FBXO24: variants seen among roughly 807,000 people sequenced by gnomAD.
The protein encoded by FBXO24 is F-box protein 24.
Under a neutral mutation model 63.5 loss-of-function variants are expected in FBXO24, and 30 were observed. The observed-to-expected ratio is 0.47, with a 90% CI of 0.35 to 0.64. The LOEUF is 0.64. FBXO24 is among the 30% of genes least tolerant of loss of function. The pLI, the probability that FBXO24 is intolerant of heterozygous loss-of-function variation, is 0.00. For synonymous variants in FBXO24, 300 were observed against 305.0 expected (o/e 0.98, Z 0.17); for missense variants, 624 against 763.4 (o/e 0.82, Z 2.15).
intron 3 of FBXO24, 22 bp from the exon 4 acceptor site, chr7:100,591,645 T>G: frequency 6.2e-7 from 1 of 1,610,282 alleles, no homozygotes; most frequent in Non-Finnish European, 8.5e-7. Context: ...CCTTGAACCT[T>G]CCATCTCCTT....
intron 1 of FBXO24, among the ~76,000 whole-genome samples, chr7:100,588,808 G>A (rs185085847): frequency 1.3e-5 from 2 of 152,228 alleles, no homozygotes; most frequent in Admixed American, 1.3e-4. Context: ...TGTCCCTCAG[G>A]AAAGCAAAAG....
intron 1 of FBXO24, among the ~76,000 whole-genome samples, chr7:100,587,434 C>G (rs963317588): frequency 3.3e-5 from 5 of 151,972 alleles, no homozygotes; most frequent in African/African-American, 1.2e-4. Flanking sequence ...TCCCGAGTAG[C>G]TGGGACTACA....
chr7:100,590,400 C>T (rs758846350), intron 3 of FBXO24, 43 bp downstream of exon 3: 17 of 1,563,146 alleles, frequency 1.1e-5, no homozygotes, highest in East Asian at 4.5e-5. Context: ...GCCTCTGTCC[C>T]GCCTTAGCCT....
At chr7:100,595,904 C>T (rs1802284229) in intron 8 of FBXO24, among the ~76,000 whole-genome samples, 198 bp downstream of exon 8, 1 of 152,308 alleles carries the variant, frequency 6.6e-6, no homozygotes, top group African/African-American at 2.4e-5. Flanking sequence ...CTGTGCAGTG[C>T]ACACTGTAAA....
At chr7:100,593,376 A>G (rs1360104407) in intron 5 of FBXO24, among the ~76,000 whole-genome samples, 1 of 152,120 alleles carries the variant, frequency 6.6e-6, no homozygotes, top group Admixed American at 6.5e-5. Context: ...TCACACCTGT[A>G]ATCCCAGTTT....
chr7:100,595,284 G>A, intron 7 of FBXO24, 61 bp downstream of exon 7: 2 of 1,612,208 alleles, frequency 1.2e-6, no homozygotes, highest in Non-Finnish European at 1.7e-6. Context: ...TGGAAGGTCT[G>A]AAGTATTATA....
In FBXO24 at chr7:100,600,406, CT is replaced by C; in HGVS notation, c.1378-127del. ...TGGCCTTGCCCAACCTCACACACCC[CT>C]GGGACTTAGCCGGCTCAGGGCTGGT... On this transcript the variant is annotated intron_variant, in intron 9 of 9. Coordinates refer to ENST00000241071, the MANE Select transcript of FBXO24 (RefSeq NM_033506.3). The surrounding 1 kb of genome is among the most constrained non-coding windows in gnomAD (Gnocchi z 6.3). 6.7e-7 allele frequency: 1 copy of C among 1,493,752 alleles called. No homozygotes were observed. Among genetic ancestry groups the C allele is most frequent in the Non-Finnish European group, 9.0e-7 (1 of 1,114,972 alleles). The allele number at this position is 1,493,752 out of a possible 1,614,324, so 92.5% of individuals were successfully genotyped here.
chr7:100,600,116 A>G lies in FBXO24; in HGVS notation c.1292A>G (p.Glu431Gly), dbSNP rs757855826. 1 of 1,607,308 alleles carries G rather than the reference A, an allele frequency of 6.2e-7. No individual in the cohort carries two copies. The highest frequency in any genetic ancestry group is 1.1e-5 in the South Asian group (1 of 89,562). Residue 431 changes from glutamate (E) to glycine (G), a missense_variant, in exon 9 of 10, where the codon GAG becomes GGG. By Grantham distance (98) the Glu-to-Gly change is moderately conservative. Around this residue, in one of 3 missense-constraint regions of FBXO24, gnomAD observed 216 missense variants for 245.2 expected, o/e 0.88. Transcript: ENST00000241071. This position sits in a 1 kb window ranked among gnomAD's most constrained non-coding sequence, Gnocchi z 6.3. The part of the protein sequence containing the change: ...VLSQSSEFSK[E>G]LLGCGCGAGG... ...AGCCAGAGCTCAGAGTTCAGCAAGG[A>G]GCTGCTGGGCTGCGGCTGTGGGGCT...
At chr7:100,592,403 G>C (rs116268552) in intron 4 of FBXO24, 17 of 272,166 alleles carry the variant, frequency 6.2e-5, no homozygotes, top group African/African-American at 3.5e-4. Flanking sequence ...GGCAGCAGGC[G>C]AGAGCACACA....
rs116477979 is a variant in FBXO24 at position 100,600,942 on chromosome 7, C to A, written c.*43C>A. On this transcript the variant is annotated 3_prime_UTR_variant, in exon 10 of 10. Coordinates refer to ENST00000241071, the MANE Select transcript of FBXO24 (RefSeq NM_033506.3). This position sits in a 1 kb window ranked among gnomAD's most constrained non-coding sequence, Gnocchi z 6.3. ...TAGTCCCTGGAGGAGGGAGTCCGGC[C>A]CCAGGCCAGGGACTAAGGAGCAATG... 1,698 of 1,582,616 alleles carry A rather than the reference C, an allele frequency of 1.1e-3. 12 individuals are homozygous for A. The African/African-American group carries it at 0.016, about 15-fold the overall frequency.
chr7:100,600,579 T>C lies in FBXO24; in HGVS notation c.1423T>C (p.Tyr475His), dbSNP rs1428826543. 1.9e-6 allele frequency: 3 copies of C among 1,602,586 alleles called. No homozygotes were observed. In the South Asian group the frequency reaches 3.4e-5, roughly 18 times the overall value. Residue 475 changes from tyrosine (Y) to histidine (H), a missense_variant, in exon 10 of 10, where the codon TAC (tyrosine) becomes CAC (histidine). Tyr to His is a moderately conservative substitution (Grantham distance 83). Around this residue, in one of 3 missense-constraint regions of FBXO24, gnomAD observed 216 missense variants for 245.2 expected, o/e 0.88. Coordinates refer to ENST00000241071, the MANE Select transcript of FBXO24 (RefSeq NM_033506.3). This position sits in a 1 kb window ranked among gnomAD's most constrained non-coding sequence, Gnocchi z 6.3. ...CALCATRECL[Y>H]ILSSHDIEQH... is the part of the protein sequence containing the mutation. ...CCTCTGTGCCACCAGGGAGTGCCTA[T>C]ACATCCTGTCCAGCCACGACATTGA... is the stretch of plus-strand genomic sequence containing the variant.
chr7:100,588,110 C>T (rs770343018), intron 1 of FBXO24, among the ~76,000 whole-genome samples: 12 of 152,030 alleles, frequency 7.9e-5, no homozygotes, highest in Non-Finnish European at 1.2e-4. Context: ...AACTCCTGGG[C>T]TCAAGCAATG....
chr7:100,595,765 C>CA, intron 8 of FBXO24, 59 bp downstream of exon 8: 2 of 1,512,578 alleles, frequency 1.3e-6, no homozygotes, highest in Non-Finnish European at 1.8e-6. Flanking sequence ...CCCTAACCCC[C>CA]AGATCTGTCC....
At position 100,600,804 on chromosome 7, in the gene FBXO24, G is replaced by T; in HGVS notation, c.1648G>T (p.Ala550Ser). ...KEIVGWMPLM[A>S]AQKDFFWEAL... Reference sequence around the variant, plus strand: ...GATCGTAGGGTGGATGCCCCTGATGGCCGCACAGAAGGACTTCTTCTGGGA... The same window carrying T: ...GATCGTAGGGTGGATGCCCCTGATGTCCGCACAGAAGGACTTCTTCTGGGA... The change falls in exon 10 of 10, where the codon GCC becomes TCC. Residue 550 changes from alanine (A) to serine (S), a missense_variant. Physicochemically the swap from Ala to Ser is moderately conservative, Grantham distance 99. This residue lies in a region of FBXO24 where 216 missense variants were observed against 245.2 expected (regional missense o/e 0.88). Transcript: ENST00000241071. The surrounding 1 kb of genome is among the most constrained non-coding windows in gnomAD (Gnocchi z 6.3). 6.2e-7 allele frequency: 1 copy of T among 1,614,180 alleles called. No homozygotes were observed. Among genetic ancestry groups the T allele is most frequent in the Middle Eastern group, 1.7e-4 (1 of 6,060 alleles).
In FBXO24 at chr7:100,600,044, A is replaced by G; in HGVS notation, c.1220A>G (p.Gln407Arg). 2 of 1,596,350 alleles carry G rather than the reference A, an allele frequency of 1.3e-6. No homozygotes were observed. Among genetic ancestry groups the G allele is most frequent in the Non-Finnish European group, 1.7e-6 (2 of 1,171,506 alleles). ...RGEPTQVCYLQRPITLWCGLN... is the reference protein window; with the variant it reads ...RGEPTQVCYLRRPITLWCGLN... ...GTGTGTCCCCAGGTTTGTTACCTGC[A>G]GCGGCCCATCACCCTGTGGTGCGGC... Residue 407 changes from glutamine to arginine, a missense_variant, in exon 9 of 10, where the codon CAG becomes CGG. Transcript: ENST00000241071. The surrounding 1 kb of genome is among the most constrained non-coding windows in gnomAD (Gnocchi z 6.3).
In FBXO24 at chr7:100,592,109, A is replaced by G; in HGVS notation, c.558+207A>G. 1.6e-5 allele frequency: 8 copies of G among 495,732 alleles called. No individual in the cohort carries two copies. In the South Asian group the frequency reaches 1.7e-4, roughly 10 times the overall value. The allele number at this position is 495,732 out of a possible 1,614,324, so 30.7% of individuals were successfully genotyped here. ...ACCCGTCTCTACTAAAAATACAAAAATTAGCTGGGTGTGGTGGTGGGTGCC... is the reference window on the plus strand; with the variant it reads ...ACCCGTCTCTACTAAAAATACAAAAGTTAGCTGGGTGTGGTGGTGGGTGCC... On this transcript the variant is annotated intron_variant, in intron 4 of 9. Transcript: ENST00000241071.
In FBXO24 at chr7:100,590,255, G is replaced by A. The variant is rs141073241; in HGVS notation, c.220G>A (p.Asp74Asn). The A allele has an allele frequency of 2.2e-5, 36 of 1,614,184 alleles. No homozygotes were observed. In the African/African-American group the frequency reaches 4.1e-4, roughly 19 times the overall value. ...CTGCCGCTACTTCCACGAAGTGTGC[G>A]ATGGGGAAGGCGTGTGGAGACGCAT... ...QTCRYFHEVC[D>N]GEGVWRRICR... Residue 74 changes from aspartate to asparagine, a missense_variant, in exon 3 of 10, where the codon GAT (aspartate) becomes AAT (asparagine). By Grantham distance (23) the Asp-to-Asn change is conservative. Coordinates refer to ENST00000241071, the MANE Select transcript of FBXO24 (RefSeq NM_033506.3).
At position 100,594,417 on chromosome 7, in the gene FBXO24, G is replaced by A. The variant is rs527448832; in HGVS notation, c.828G>A (p.Glu276=). The change falls in exon 6 of 10, where the codon GAG becomes GAA. Residue 276 remains glutamate (E), a synonymous_variant. Coordinates refer to ENST00000241071, the MANE Select transcript of FBXO24 (RefSeq NM_033506.3). The surrounding 1 kb of genome is among the most constrained non-coding windows in gnomAD (Gnocchi z 4.2). ...EGKIYSLVVN[E]TQLDQPRSYT... ...AGATCTACTCTTTGGTAGTGAATGA[G>A]ACCCAGCTTGACCAGCCACGCTCCT... is the stretch of plus-strand genomic sequence containing the variant. 1.9e-6 allele frequency: 3 copies of A among 1,613,166 alleles called. No homozygotes were observed. The African/African-American group carries it at 4.0e-5, about 22-fold the overall frequency.
chr7:100,600,596 C>T lies in FBXO24; in HGVS notation c.1440C>T (p.His480=), dbSNP rs139532492. 49 of 1,609,818 alleles carry T rather than the reference C, an allele frequency of 3.0e-5. No homozygotes were observed. Among genetic ancestry groups the T allele is most frequent in the South Asian group, 1.5e-4 (14 of 90,716 alleles). ...AGTGCCTATACATCCTGTCCAGCCA[C>T]GACATTGAGCAGCACGCCCCCTATC... ...TRECLYILSS[H]DIEQHAPYRH... Residue 480 remains histidine (H), a synonymous_variant, in exon 10 of 10, where the codon CAC becomes CAT. Coordinates refer to ENST00000241071, the MANE Select transcript of FBXO24 (RefSeq NM_033506.3). This position sits in a 1 kb window ranked among gnomAD's most constrained non-coding sequence, Gnocchi z 6.3.
Sources: allele counts gnomAD v4.1 joint callset (sites outside exome capture counted in the v4.1 genomes callset), GRCh38; gene constraint gnomAD v4.1.1; regional missense constraint gnomAD v4.1.1; non-coding constraint Gnocchi (gnomAD v3.1); transcripts MANE v1.5; gene names NCBI Gene and HGNC (gene_info 2026-07-23, HGNC 2026-07-21).